Variants in RTTN observed in about 807,000 individuals in gnomAD.
RTTN encodes rotatin.
RTTN carries 182 observed loss-of-function variants against 269.2 expected under a neutral mutation model. The observed-to-expected ratio is 0.68, with a 90% CI of 0.60 to 0.76. The LOEUF (loss-of-function observed/expected upper bound fraction) is 0.76, where lower values mean the gene tolerates loss of function less well. Among genes scored for constraint, RTTN ranks in the 30% least tolerant of loss-of-function variants. The pLI is 0.00. For missense variants in RTTN, 2,545 were observed against 2,608.6 expected (o/e 0.98, Z 0.53); for synonymous variants, 1,006 against 963.5 (o/e 1.04, Z -0.82).
chr18:70,204,582 C>G (rs1456669366), intron 2 of RTTN, among the ~76,000 whole-genome samples: 1 of 152,126 alleles, frequency 6.6e-6, no homozygotes, highest in East Asian at 1.9e-4. Flanking sequence ...CCAGCCCCAA[C>G]CGGTCAACAG....
At chr18:70,047,406 A>C (rs1184876950) in intron 40 of RTTN, among the ~76,000 whole-genome samples, 1 of 152,252 alleles carries the variant, frequency 6.6e-6, no homozygotes, top group Non-Finnish European at 1.5e-5. Flanking sequence ...TAGTGATTTT[A>C]GAATGTTTTC....
intron 39 of RTTN, among the ~76,000 whole-genome samples, chr18:70,049,723 C>G (rs1229639864): frequency 6.6e-6 from 1 of 151,986 alleles, no homozygotes; most frequent in Non-Finnish European, 1.5e-5. Context: ...TAAAAAACAG[C>G]TTTTTTCTAT....
intron 27 of RTTN, among the ~76,000 whole-genome samples, chr18:70,112,165 T>C (rs1401924585): frequency 6.6e-6 from 1 of 151,782 alleles, no homozygotes; most frequent in East Asian, 1.9e-4. Context: ...GCACTAAATA[T>C]GGAAAGGAAA....
intron 26 of RTTN, among the ~76,000 whole-genome samples, chr18:70,115,530 AG>A (rs2059583057): frequency 2.0e-5 from 3 of 151,394 alleles, no homozygotes; most frequent in African/African-American, 7.3e-5. Context: ...TAAAAAAAAA[AG>A]ATAGTAAGAT....
intron 30 of RTTN, among the ~76,000 whole-genome samples, chr18:70,090,933 T>C (rs965503975): frequency 2.6e-4 from 40 of 152,342 alleles, no homozygotes; most frequent in African/African-American, 8.7e-4. Flanking sequence ...AAATTTGCTT[T>C]GCTAGGCTTT....
Position 70,064,661 on chromosome 18 carries a change from T to C in RTTN, c.4747+1168A>G, listed in dbSNP as rs114304625. Among the ~76,000 whole-genome samples the C allele has an allele frequency of 7.0e-3, 1,062 of 152,272 alleles. 9 individuals are homozygous for C. The highest frequency in any genetic ancestry group is 0.024 in the African/African-American group (998 of 41,540). Reference sequence around the variant, plus strand: ...TCTATAAAGAAGGAAAGTAGATTAGTGATTCCGTAGAGTGCCAAGAATGGG... The same window carrying C: ...TCTATAAAGAAGGAAAGTAGATTAGCGATTCCGTAGAGTGCCAAGAATGGG... On this transcript the variant is annotated intron_variant, in intron 35 of 48. Coordinates refer to ENST00000640769, the MANE Select transcript of RTTN (RefSeq NM_173630.4).
At chr18:70,107,387 A>C (rs1438564095) in intron 28 of RTTN, among the ~76,000 whole-genome samples, 1 of 152,238 alleles carries the variant, frequency 6.6e-6, no homozygotes, top group African/African-American at 2.4e-5. Flanking sequence ...GATTGGCTGT[A>C]GTTAAGCCTT....
At chr18:70,148,649 G>A (rs1199081412) in intron 17 of RTTN, among the ~76,000 whole-genome samples, 1 of 152,126 alleles carries the variant, frequency 6.6e-6, no homozygotes. Flanking sequence ...GCACTACTGA[G>A]CGGCACTTAG....
At chr18:70,068,177 G>A (rs1039366460) in intron 34 of RTTN, among the ~76,000 whole-genome samples, 2 of 152,130 alleles carry the variant, frequency 1.3e-5, no homozygotes, top group Admixed American at 6.6e-5. Flanking sequence ...ATCTCCAATC[G>A]ATAGTATTTG....
chr18:70,196,384 G>C (rs2061807066), intron 7 of RTTN, 117 bp downstream of exon 7: 1 of 764,790 alleles, frequency 1.3e-6, no homozygotes, highest in Non-Finnish European at 2.1e-6. Context: ...TTTAGGAGTG[G>C]GGAGTTTATG....
At chr18:70,143,931 C>G (rs932506331) in intron 18 of RTTN, among the ~76,000 whole-genome samples, 1 of 151,846 alleles carries the variant, frequency 6.6e-6, no homozygotes, top group East Asian at 1.9e-4. Flanking sequence ...GCAATCTCAG[C>G]TCACTGCAGA....
chr18:70,052,047 A>T (rs1387848505), intron 38 of RTTN, among the ~76,000 whole-genome samples: 1 of 152,192 alleles, frequency 6.6e-6, no homozygotes, highest in African/African-American at 2.4e-5. Flanking sequence ...CCCACAAAGA[A>T]AAGTATGACG....
chr18:70,149,309 T>C (rs983308157), intron 16 of RTTN, among the ~76,000 whole-genome samples: 1 of 152,124 alleles, frequency 6.6e-6, no homozygotes, highest in African/African-American at 2.4e-5. Flanking sequence ...AAGATTCTAA[T>C]AGTGGCACCT....
chr18:70,184,468 C>A (rs1306596665), intron 10 of RTTN, among the ~76,000 whole-genome samples: 1 of 151,980 alleles, frequency 6.6e-6, no homozygotes, highest in African/African-American at 2.4e-5. Context: ...GTGACAGTCA[C>A]TTGAACCCGG....
intron 31 of RTTN, 60 bp downstream of exon 31, chr18:70,087,929 C>T (rs1306501958): frequency 2.6e-6 from 4 of 1,556,186 alleles, no homozygotes; most frequent in African/African-American, 1.4e-5. Context: ...AGTCAAGTAT[C>T]GCTTACGGAT....
At chr18:70,076,684 A>G (rs1319862263) in intron 32 of RTTN, among the ~76,000 whole-genome samples, 2 of 152,142 alleles carry the variant, frequency 1.3e-5, no homozygotes, top group East Asian at 3.9e-4. Flanking sequence ...AAACAGAGCA[A>G]TTTATATAAG....
chr18:70,178,369 T>C (rs962694597), intron 10 of RTTN, among the ~76,000 whole-genome samples: 1 of 152,038 alleles, frequency 6.6e-6, no homozygotes. Context: ...AAGACAAATA[T>C]AGATTCCACT....
chr18:70,177,075 T>G (rs2061321538), intron 10 of RTTN, among the ~76,000 whole-genome samples: 1 of 152,218 alleles, frequency 6.6e-6, no homozygotes, highest in South Asian at 2.1e-4. Context: ...TTTTAAGTAT[T>G]TAATATGATG....
At chr18:70,026,271 T>C (rs368360489) in intron 43 of RTTN, among the ~76,000 whole-genome samples, 4 of 152,208 alleles carry the variant, frequency 2.6e-5, no homozygotes, top group African/African-American at 9.6e-5. Flanking sequence ...AGAGTCTGGA[T>C]ATTTGTCCCT....
Sources: gnomAD v4.1 joint callset for allele counts (sites outside exome capture counted in the v4.1 genomes callset) on GRCh38, gnomAD v4.1.1 for gene constraint, MANE v1.5 for transcripts, NCBI Gene and HGNC (gene_info 2026-07-23, HGNC 2026-07-21) for gene names.